The following ERBIN variants were observed in gnomAD, a reference collection of about 807,000 sequenced individuals.
ERBIN encodes the protein densin-180-like protein.
A neutral mutation model predicts 158.4 loss-of-function variants in ERBIN; 60 were observed. The ratio of observed to expected loss-of-function variants is 0.38; its 90% CI spans 0.31 to 0.47. ERBIN has a LOEUF of 0.47. Ranked by LOEUF, ERBIN falls within the 20% of genes least tolerant of loss-of-function variation. ERBIN has a pLI of 0.99. For missense variants in ERBIN, 1,610 were observed against 1,648.0 expected (o/e 0.98, Z 0.40); for synonymous variants, 594 against 557.2 (o/e 1.07, Z -0.93).
intron 23 of ERBIN, 45 bp downstream of exon 23, chr5:66,075,275 A>G (rs371452480): frequency 1.5e-5 from 22 of 1,441,450 alleles, no homozygotes; most frequent in Non-Finnish European, 2.0e-5. Context: ...TAAGCTTTTT[A>G]TGTATTTTTA....
At chr5:66,045,448 T>C (rs1398835397) in intron 17 of ERBIN, among the ~76,000 whole-genome samples, 1 of 146,178 alleles carries the variant, frequency 6.8e-6, no homozygotes, top group Non-Finnish European at 1.5e-5. Flanking sequence ...TGTATATGTA[T>C]GTATATACAT....
chr5:66,006,658 A>G (rs1452321797), intron 4 of ERBIN, among the ~76,000 whole-genome samples: 3 of 152,184 alleles, frequency 2.0e-5, no homozygotes, highest in Non-Finnish European at 4.4e-5. Flanking sequence ...ACAAAGGGCT[A>G]ATATCCAGAA....
At chr5:66,026,503 T>A in intron 13 of ERBIN, 86 bp downstream of exon 13, 1 of 590,066 alleles carries the variant, frequency 1.7e-6, no homozygotes, top group Non-Finnish European at 2.8e-6. Context: ...ATAGAATAGC[T>A]AGTGCTTGTT....
intron 4 of ERBIN, among the ~76,000 whole-genome samples, chr5:65,999,009 T>C (rs1752746200): frequency 6.6e-6 from 1 of 152,220 alleles, no homozygotes; most frequent in Admixed American, 6.5e-5. Flanking sequence ...GTCTTACTTT[T>C]CTTTTTCATG....
Position 66,053,524 on chromosome 5 carries a change from A to G in ERBIN, c.2206A>G (p.Asn736Asp). 1 of 1,611,082 alleles carries G rather than the reference A, an allele frequency of 6.2e-7. No homozygotes were observed. Among genetic ancestry groups the G allele is most frequent in the Non-Finnish European group, 8.5e-7 (1 of 1,179,140 alleles). Residue 736 changes from asparagine to aspartate, a missense_variant, in exon 21 of 26, where the codon AAT becomes GAT. Around this residue, in one of 2 missense-constraint regions of ERBIN, gnomAD observed 1,014 missense variants for 936.1 expected, o/e 1.08. Transcript: ENST00000284037. ...TTTTAACTTACCTGAATATGATTTG[A>G]ATGTTGAAGAGCGATTAGTTCTAAT... is the stretch of plus-strand genomic sequence containing the variant. ...KDFNLPEYDL[N>D]VEERLVLIEK...
chr5:66,016,894 C>T (rs1240873573), intron 7 of ERBIN, among the ~76,000 whole-genome samples: 10 of 152,052 alleles, frequency 6.6e-5, no homozygotes, highest in African/African-American at 1.9e-4. Context: ...GGATTACAGG[C>T]GTGAGCCACC....
rs373053502 is a variant in ERBIN at position 66,023,271 on chromosome 5, C to T, written c.598-19C>T. 6.4e-5 allele frequency: 103 copies of T among 1,597,018 alleles called. 1 individual carries two copies. The Middle Eastern group carries it at 6.6e-4, about 10-fold the overall frequency. The stretch of plus-strand genomic sequence containing the variant: ...AAAATTAATTGAATTACTGCTATCC[C>T]CTACCCTAATCCCAACAGCCTGAAG... On this transcript the variant is annotated intron_variant, in intron 8 of 25. Coordinates refer to ENST00000284037, the MANE Select transcript of ERBIN (RefSeq NM_001253697.2).
At chr5:65,955,944 A>C (rs908303466) in intron 1 of ERBIN, among the ~76,000 whole-genome samples, 1 of 152,196 alleles carries the variant, frequency 6.6e-6, no homozygotes, top group Admixed American at 6.6e-5. Flanking sequence ...TGTTTACCAT[A>C]TCTATATATG....
intron 4 of ERBIN, among the ~76,000 whole-genome samples, chr5:66,001,008 G>GA (rs1162361224): frequency 1.3e-5 from 2 of 151,672 alleles, no homozygotes; most frequent in African/African-American, 4.8e-5. Flanking sequence ...CTATTGTGTT[G>GA]AAAAAAAATT....
At chr5:66,051,873 T>A (rs1476268142) in intron 20 of ERBIN, among the ~76,000 whole-genome samples, 1 of 142,082 alleles carries the variant, frequency 7.0e-6, no homozygotes, top group Non-Finnish European at 1.5e-5. Context: ...CCAGCCTGGG[T>A]GACAGAGCTA....
chr5:65,948,440 G>A (rs980928620), intron 1 of ERBIN, among the ~76,000 whole-genome samples: 1 of 151,880 alleles, frequency 6.6e-6, no homozygotes, highest in Admixed American at 6.6e-5. Context: ...GCATCCCAAA[G>A]TGCTGGGCTT....
chr5:65,978,754 A>G (rs1201438462), intron 1 of ERBIN, among the ~76,000 whole-genome samples: 1 of 152,220 alleles, frequency 6.6e-6, no homozygotes, highest in Non-Finnish European at 1.5e-5. Flanking sequence ...ATTAAGCATG[A>G]TGCTTGGGTC....
intron 1 of ERBIN, among the ~76,000 whole-genome samples, chr5:65,959,051 A>G (rs1747623943): frequency 6.6e-6 from 1 of 152,248 alleles, no homozygotes; most frequent in Non-Finnish European, 1.5e-5. Context: ...TTAAAAGTAG[A>G]CATTGCGTAT....
intron 13 of ERBIN, among the ~76,000 whole-genome samples, chr5:66,026,992 A>C (rs868539867): frequency 2.0e-5 from 3 of 151,992 alleles, no homozygotes; most frequent in African/African-American, 7.2e-5. Flanking sequence ...ATTGATCACT[A>C]GGGTTGTAAA....
At chr5:66,071,759 A>G (rs1220037917) in intron 21 of ERBIN, among the ~76,000 whole-genome samples, 1 of 147,616 alleles carries the variant, frequency 6.8e-6, no homozygotes, top group Admixed American at 6.7e-5. Flanking sequence ...ATCTTTTTAT[A>G]GTGCTCAACA....
intron 18 of ERBIN, 102 bp from the exon 19 acceptor site, chr5:66,048,565 G>T (rs1758689771): frequency 5.7e-6 from 4 of 696,492 alleles, no homozygotes; most frequent in Admixed American, 2.9e-5. Flanking sequence ...TTTAATATGT[G>T]TTTATAATAT....
At chr5:66,058,931 T>G (rs1026021657) in intron 21 of ERBIN, among the ~76,000 whole-genome samples, 1 of 152,248 alleles carries the variant, frequency 6.6e-6, no homozygotes, top group African/African-American at 2.4e-5. Flanking sequence ...CCGTTTTGGT[T>G]ACTGTAGCCT....
intron 21 of ERBIN, among the ~76,000 whole-genome samples, chr5:66,062,714 T>A (rs911955207): frequency 6.6e-6 from 1 of 152,110 alleles, no homozygotes; most frequent in Non-Finnish European, 1.5e-5. Context: ...ACAGATGGGT[T>A]TTTGGTGTGG....
chr5:66,043,066 CT>C lies in ERBIN; in HGVS notation c.1307-7del, dbSNP rs760960065. 3 of 1,565,710 alleles carry C rather than the reference CT, an allele frequency of 1.9e-6. No homozygotes were observed. The highest frequency in any genetic ancestry group is 2.8e-5 in the African/African-American group (2 of 72,506). ...AAATATAGTAGGTTTTTGTTTTTTA[CT>C]TTTCTCTAGTTATGTTTATATCAGA... On this transcript the variant is annotated splice_polypyrimidine_tract_variant and intron_variant, in intron 15 of 25. Coordinates refer to ENST00000284037, the MANE Select transcript of ERBIN (RefSeq NM_001253697.2).
Sources: allele counts gnomAD v4.1 joint callset (sites outside exome capture counted in the v4.1 genomes callset), GRCh38; gene constraint gnomAD v4.1.1; regional missense constraint gnomAD v4.1.1; transcripts MANE v1.5; gene names NCBI Gene and HGNC (gene_info 2026-07-23, HGNC 2026-07-21).